The following TRIM55 variants were observed in gnomAD, a reference collection of about 807,000 sequenced individuals.
TRIM55 encodes tripartite motif containing 55.
A neutral mutation model predicts 60.9 loss-of-function variants in TRIM55; 50 were observed. That is an observed-to-expected ratio of 0.82 (90% CI 0.65 to 1.04). TRIM55 has a LOEUF of 1.04. TRIM55 is among the 50% of genes least tolerant of loss of function. TRIM55 has a pLI of 0.00. For synonymous variants in TRIM55, 237 were observed against 238.1 expected (o/e 1.00, Z 0.04); for missense variants, 681 against 666.9 (o/e 1.02, Z -0.23).
At chr8:66,165,831 G>GA (rs1361209176) in intron 9 of TRIM55, among the ~76,000 whole-genome samples, 3 of 151,426 alleles carry the variant, frequency 2.0e-5, no homozygotes, top group Non-Finnish European at 4.4e-5. Context: ...TCTTACCTAG[G>GA]AAAAAAAATT....
At chr8:66,123,717 G>A (rs962814523), upstream of TRIM55, among the ~76,000 whole-genome samples, 1 of 152,110 alleles carries the variant, frequency 6.6e-6, no homozygotes, top group African/African-American at 2.4e-5. Flanking sequence ...AATTAGCTGG[G>A]CATAGTGGTA....
chr8:66,145,304 A>G (rs1810039833), intron 4 of TRIM55, among the ~76,000 whole-genome samples: 1 of 152,216 alleles, frequency 6.6e-6, no homozygotes, highest in African/African-American at 2.4e-5. Context: ...GTAAGTTCCA[A>G]TTTCGTAATT....
At chr8:66,172,867 T>C (rs1318376988) in intron 9 of TRIM55, among the ~76,000 whole-genome samples, 2 of 152,258 alleles carry the variant, frequency 1.3e-5, no homozygotes, top group African/African-American at 4.8e-5. Context: ...AATTGAATGG[T>C]TAAAAATAAG....
chr8:66,125,500 T>C (rs1473168135), upstream of TRIM55, among the ~76,000 whole-genome samples: 2 of 152,214 alleles, frequency 1.3e-5, no homozygotes, highest in Non-Finnish European at 2.9e-5. Flanking sequence ...TTTACTTAGA[T>C]AGCAAGGTCT....
At chr8:66,130,458 C>T (rs1809073321) in intron 2 of TRIM55, among the ~76,000 whole-genome samples, 1 of 151,212 alleles carries the variant, frequency 6.6e-6, no homozygotes, top group Admixed American at 6.7e-5. Context: ...GGCAGACAGC[C>T]TTACTAGACC....
intron 9 of TRIM55, among the ~76,000 whole-genome samples, chr8:66,158,741 A>G (rs532482441): frequency 6.6e-6 from 1 of 152,366 alleles, no homozygotes; most frequent in Non-Finnish European, 1.5e-5. Flanking sequence ...TAGAGAGTCC[A>G]TTGCATTTCT....
At chr8:66,152,667 G>A (rs563424410) in intron 8 of TRIM55, 40 bp downstream of exon 8, 51 of 1,590,386 alleles carry the variant, frequency 3.2e-5, no homozygotes, top group South Asian at 1.8e-4. Context: ...GCACATGGGC[G>A]TGTCTCCTTA....
rs546252268 is a variant in TRIM55 at position 66,175,323 on chromosome 8, T to C, written c.*730T>C. The C allele has an allele frequency of 6.6e-6, 1 of 152,202 alleles. No homozygotes were observed. Among genetic ancestry groups the C allele is most frequent in the Non-Finnish European group, 1.5e-5 (1 of 68,048 alleles). The allele number at this position is 152,202 out of a possible 1,614,324, so 9.4% of individuals were successfully genotyped here. ...TTCACTGTGGCACCAATCTGGTAAATTGTAGAACAATTGCATGTGTTTAAA... is the reference window on the plus strand; with the variant it reads ...TTCACTGTGGCACCAATCTGGTAAACTGTAGAACAATTGCATGTGTTTAAA... On this transcript the variant is annotated 3_prime_UTR_variant, in exon 10 of 10. Transcript: ENST00000315962.
chr8:66,139,621 T>C (rs898085696), intron 4 of TRIM55, among the ~76,000 whole-genome samples: 2 of 152,158 alleles, frequency 1.3e-5, no homozygotes, highest in African/African-American at 4.8e-5. Context: ...CCCATTCTTA[T>C]TGGCAATACA....
At chr8:66,143,001 T>A (rs932481604) in intron 4 of TRIM55, among the ~76,000 whole-genome samples, 1 of 150,598 alleles carries the variant, frequency 6.6e-6, no homozygotes, top group Non-Finnish European at 1.5e-5. Flanking sequence ...TCTTTTCTTT[T>A]TTGGAGGGTT....
intron 2 of TRIM55, among the ~76,000 whole-genome samples, chr8:66,130,569 G>T (rs1271925577): frequency 1.3e-5 from 2 of 148,908 alleles, no homozygotes; most frequent in South Asian, 2.2e-4. Context: ...GGTCGGGGGG[G>T]GTGACCAATC....
chr8:66,114,082 A>ACCACC, the TRIM55 span, among the ~76,000 whole-genome samples: 1 of 75,300 alleles, frequency 1.3e-5, no homozygotes, highest in Non-Finnish European at 2.4e-5. Flanking sequence ...AAGGAGAGAC[A>ACCACC]CCCCCCCCCC....
intron 5 of TRIM55, 126 bp from the exon 6 acceptor site, chr8:66,150,091 G>A: frequency 8.6e-7 from 1 of 1,165,910 alleles, no homozygotes; most frequent in Non-Finnish European, 1.2e-6. Context: ...TTATAAGACA[G>A]CAGTTATTTA....
the TRIM55 span, among the ~76,000 whole-genome samples, chr8:66,119,098 C>G: frequency 6.6e-6 from 1 of 152,188 alleles, no homozygotes; most frequent in Non-Finnish European, 1.5e-5. Context: ...TGCCCTAGTG[C>G]TCCAGCCCAA....
chr8:66,125,721 T>C (rs1808794460), upstream of TRIM55, among the ~76,000 whole-genome samples: 1 of 152,182 alleles, frequency 6.6e-6, no homozygotes, highest in African/African-American at 2.4e-5. Flanking sequence ...AGATCCCTGA[T>C]ATGCTTATGA....
At chr8:66,156,261 T>C (rs1276918404) in intron 9 of TRIM55, among the ~76,000 whole-genome samples, 3 of 152,146 alleles carry the variant, frequency 2.0e-5, no homozygotes, top group Non-Finnish European at 4.4e-5. Flanking sequence ...GAGTTTCTCC[T>C]GGGAGAGGAG....
At chr8:66,174,030 T>A in intron 9 of TRIM55, among the ~76,000 whole-genome samples, 1 of 152,156 alleles carries the variant, frequency 6.6e-6, no homozygotes, top group East Asian at 1.9e-4. Context: ...AGGGATTATA[T>A]TAATATGTCC....
At chr8:66,127,515 G>C (rs1808877048) in intron 1 of TRIM55, 79 bp downstream of exon 1, 4 of 1,523,864 alleles carry the variant, frequency 2.6e-6, no homozygotes, top group Non-Finnish European at 3.6e-6. Context: ...TTAACATTGA[G>C]GTGAAATCCT....
intron 3 of TRIM55, 143 bp downstream of exon 3, chr8:66,135,298 G>A: frequency 1.2e-6 from 1 of 821,546 alleles, no homozygotes; most frequent in South Asian, 1.6e-5. Context: ...GGGCACACAA[G>A]GTCTGCAGGA....
Sources: gnomAD v4.1 joint callset for allele counts (sites outside exome capture counted in the v4.1 genomes callset) on GRCh38, gnomAD v4.1.1 for gene constraint, MANE v1.5 for transcripts, NCBI Gene and HGNC (gene_info 2026-07-23, HGNC 2026-07-21) for gene names.